The following TFDP1 variants were observed in gnomAD, a reference collection of about 807,000 sequenced individuals.
TFDP1 encodes transcription factor Dp-1, also known as DRTF1-polypeptide 1.
TFDP1 carries 6 observed loss-of-function variants against 48.0 expected under a neutral mutation model. The ratio of observed to expected loss-of-function variants is 0.13; its 90% CI spans 0.07 to 0.25. The LOEUF is 0.25. Among genes scored for constraint, TFDP1 ranks in the 10% least tolerant of loss-of-function variants. The probability of loss-of-function intolerance (pLI) is 1.00; values close to 1 mark genes in which losing one functional copy is unlikely to be tolerated. For missense variants in TFDP1, 335 were observed against 543.0 expected (o/e 0.62, Z 3.81); for synonymous variants, 201 against 211.6 (o/e 0.95, Z 0.44).
chr13:113,596,014 G>A (rs897770384), intron 2 of TFDP1, among the ~76,000 whole-genome samples: 8 of 152,300 alleles, frequency 5.3e-5, no homozygotes, highest in Admixed American at 1.3e-4. Context: ...CCCAGGAGGC[G>A]GAGCTTGCAG....
chr13:113,599,952 A>C (rs940252571), intron 2 of TFDP1, among the ~76,000 whole-genome samples: 5 of 125,590 alleles, frequency 4.0e-5, no homozygotes, highest in African/African-American at 1.5e-4. Context: ...GACTGTGATA[A>C]AGAATCCTTG....
intron 2 of TFDP1, among the ~76,000 whole-genome samples, chr13:113,601,398 T>G (rs960440057): frequency 8.0e-5 from 5 of 62,352 alleles, no homozygotes; most frequent in Non-Finnish European, 1.4e-4. Flanking sequence ...TTCTTGCACT[T>G]TGCCTTGTGG....
chr13:113,587,843 G>A (rs376289567), intron 2 of TFDP1, among the ~76,000 whole-genome samples: 2 of 152,142 alleles, frequency 1.3e-5, no homozygotes, highest in South Asian at 4.1e-4. Flanking sequence ...AGGGAACATC[G>A]ATAACCAGTT....
Position 113,640,268 on chromosome 13 carries a change from C to T in TFDP1, c.*1C>T, listed in dbSNP as rs530994527. The stretch of plus-strand genomic sequence containing the variant: ...CAACGAGAATGACGAGGACGACTGA[C>T]GTCCTCCCCACTTCAGATTCGGCTT... On this transcript the variant is annotated 3_prime_UTR_variant, in exon 12 of 12. Transcript: ENST00000375370. 5.0e-5 allele frequency: 80 copies of T among 1,609,952 alleles called. No individual in the cohort carries two copies. Among genetic ancestry groups the T allele is most frequent in the Middle Eastern group, 3.6e-4 (2 of 5,538 alleles).
chr13:113,635,615 C>T (rs1189078213), intron 8 of TFDP1, among the ~76,000 whole-genome samples: 1 of 152,186 alleles, frequency 6.6e-6, no homozygotes, highest in Non-Finnish European at 1.5e-5. Flanking sequence ...GCACCCCCTC[C>T]AAGGCCATCA....
chr13:113,639,156 C>T lies in TFDP1; in HGVS notation c.1086-964C>T, dbSNP rs76576217. 2.6e-4 allele frequency among the ~76,000 whole-genome samples: 40 copies of T among 152,278 alleles called. No homozygotes were observed. In the East Asian group the frequency reaches 7.5e-3, roughly 29 times the overall value. The stretch of plus-strand genomic sequence containing the variant: ...TTGGTGACAAGCTTTTGACAGAGGC[C>T]GGTTCTCCTTCTGTTGTAGCTATGT... On this transcript the variant is annotated intron_variant, in intron 11 of 11. Transcript: ENST00000375370.
intron 2 of TFDP1, among the ~76,000 whole-genome samples, chr13:113,605,140 G>T (rs1002690461): frequency 1.3e-5 from 2 of 151,988 alleles, no homozygotes; most frequent in African/African-American, 4.8e-5. Context: ...CCTGTTGTCA[G>T]TTGGGGCGGG....
At chr13:113,609,473 G>A (rs2048653641) in intron 2 of TFDP1, among the ~76,000 whole-genome samples, 1 of 152,086 alleles carries the variant, frequency 6.6e-6, no homozygotes, top group South Asian at 2.1e-4. Context: ...TGAACTTGCC[G>A]TGGTCCTCGG....
At chr13:113,614,614 CCCCTGG>C (rs2048811335) in intron 3 of TFDP1, among the ~76,000 whole-genome samples, 2 of 152,218 alleles carry the variant, frequency 1.3e-5, no homozygotes, top group South Asian at 4.1e-4. Flanking sequence ...TCCTCATGGG[CCCCTGG>C]CCCTGGTCCT....
At chr13:113,601,523 G>A (rs1245725286) in intron 2 of TFDP1, among the ~76,000 whole-genome samples, 5 of 152,188 alleles carry the variant, frequency 3.3e-5, no homozygotes, top group Non-Finnish European at 7.4e-5. Flanking sequence ...GTGGGAGCAG[G>A]GCAGGGCAGC....
In TFDP1 at chr13:113,625,527, GT is replaced by G. The variant is rs1201080419; in HGVS notation, c.186+2244del. ...AGGTGTCTCTCACGTGTCCTCAGGT[GT>G]TTCTCAGGTGTCTCTCACGTGTCCT... is the stretch of plus-strand genomic sequence containing the variant. On this transcript the variant is annotated intron_variant, in intron 4 of 11. Coordinates refer to ENST00000375370, the MANE Select transcript of TFDP1 (RefSeq NM_007111.5). 2.2e-5 allele frequency among the ~76,000 whole-genome samples: 2 copies of G among 90,228 alleles called. 1 individual carries two copies. The highest frequency in any genetic ancestry group is 4.0e-5 in the Non-Finnish European group (2 of 49,838). 59.2% of individuals were successfully genotyped at this position (90,228 alleles called of 152,430 possible). A position where few individuals can be genotyped will look rare whatever the true frequency, so the allele number is the denominator to read the frequency against.
chr13:113,635,891 G>A (rs1024883663), intron 8 of TFDP1, 86 bp from the exon 9 acceptor site: 6 of 1,461,320 alleles, frequency 4.1e-6, no homozygotes, highest in Admixed American at 2.1e-5. Context: ...TCACGTGGAC[G>A]CAGGGAGGGC....
chr13:113,619,396 G>A (rs2048939567), intron 3 of TFDP1, among the ~76,000 whole-genome samples: 2 of 151,854 alleles, frequency 1.3e-5, no homozygotes, highest in South Asian at 4.2e-4. Flanking sequence ...GCTGGAACGC[G>A]GGAGGCGGAG....
rs949523114 is a variant in TFDP1, at chr13:113,598,773, C to T, written c.13-12223C>T. Among the ~76,000 whole-genome samples the T allele has an allele frequency of 6.6e-6, 1 of 152,178 alleles. No individual in the cohort carries two copies. Among genetic ancestry groups the T allele is most frequent in the African/African-American group, 2.4e-5 (1 of 41,430 alleles). The stretch of plus-strand genomic sequence containing the variant: ...GTGGCTCACACTGTGGTTCTGTGGC[C>T]GCCGTCCCTCTGTCCGCTCGGGGTA... On this transcript the variant is annotated intron_variant, in intron 2 of 11. Coordinates refer to ENST00000375370, the MANE Select transcript of TFDP1 (RefSeq NM_007111.5). This position sits in a 1 kb window ranked among gnomAD's most constrained non-coding sequence, Gnocchi z 4.2.
Position 113,613,901 on chromosome 13 carries a change from GTT to G in TFDP1, c.79+2841_79+2842del, listed in dbSNP as rs1485544064. 3.3e-5 allele frequency among the ~76,000 whole-genome samples: 5 copies of G among 151,252 alleles called. No homozygotes were observed. In the East Asian group the frequency reaches 9.8e-4, roughly 30 times the overall value. On this transcript the variant is annotated intron_variant, in intron 3 of 11. Coordinates refer to ENST00000375370, the MANE Select transcript of TFDP1 (RefSeq NM_007111.5). ...TGAGTGGATGTGAGTGTACCTGTGA[GTT>G]TGCGTGTGTGTGCATGCGTGTGAGT... is the stretch of plus-strand genomic sequence containing the variant.
Position 113,607,713 on chromosome 13 carries a change from G to A in TFDP1, c.13-3283G>A, listed in dbSNP as rs1594451312. Among the ~76,000 whole-genome samples the A allele has an allele frequency of 2.0e-5, 3 of 152,176 alleles. No individual in the cohort carries two copies. In the South Asian group the frequency reaches 6.2e-4, roughly 32 times the overall value. ...CCGTTAACTCCCTGGGCAGCTGCTG[G>A]GGAGGAAGAAGCACTGCCCGCAAGG... On this transcript the variant is annotated intron_variant, in intron 2 of 11. Transcript: ENST00000375370. This position sits in a 1 kb window ranked among gnomAD's most constrained non-coding sequence, Gnocchi z 5.2.
At chr13:113,595,945 G>T (rs868365217) in intron 2 of TFDP1, among the ~76,000 whole-genome samples, 2 of 152,220 alleles carry the variant, frequency 1.3e-5, no homozygotes, top group Non-Finnish European at 2.9e-5. Context: ...AGCTGGGCGT[G>T]GTGGCGGGCA....
At chr13:113,612,839 T>C (rs991097979) in intron 3 of TFDP1, among the ~76,000 whole-genome samples, 3 of 152,148 alleles carry the variant, frequency 2.0e-5, no homozygotes, top group Non-Finnish European at 4.4e-5. Flanking sequence ...AATGTTCTGG[T>C]TTTGAGCCGG....
At chr13:113,600,364 A>G (rs1295401860) in intron 2 of TFDP1, among the ~76,000 whole-genome samples, 1 of 149,808 alleles carries the variant, frequency 6.7e-6, no homozygotes, top group African/African-American at 2.5e-5. Context: ...ATAGGGCTCC[A>G]GGACCGCGAT....
Sources: gnomAD v4.1 joint callset for allele counts (sites outside exome capture counted in the v4.1 genomes callset) on GRCh38, gnomAD v4.1.1 for gene constraint, Gnocchi (gnomAD v3.1) non-coding constraint, MANE v1.5 for transcripts, NCBI Gene and HGNC (gene_info 2026-07-23, HGNC 2026-07-21) for gene names.